Variants in SEPTIN4 observed in about 807,000 individuals in gnomAD.
SEPTIN4 encodes septin 4.
A neutral mutation model predicts 107.1 loss-of-function variants in SEPTIN4; 52 were observed. That is an observed-to-expected ratio of 0.49 (90% confidence interval 0.39 to 0.61). The LOEUF is 0.61. SEPTIN4 is among the 20% of genes least tolerant of loss of function. The probability of loss-of-function intolerance (pLI) is 0.00; values close to 1 mark genes in which losing one functional copy is unlikely to be tolerated. For synonymous variants in SEPTIN4, 417 were observed against 467.0 expected (o/e 0.89, Z 1.38); for missense variants, 1,048 against 1,243.5 (o/e 0.84, Z 2.36).
intron 7 of SEPTIN4, chr17:58,524,787 T>TGAACTCCTGGCCTC (rs528849299): frequency 1.3e-4 from 37 of 277,052 alleles, no homozygotes; most frequent in Non-Finnish European, 1.9e-4. Flanking sequence ...AGGCTGGCCT[T>TGAACTCCTGGCCTC]GAACTCCTGG....
intron 13 of SEPTIN4, 103 bp from the exon 14 acceptor site, chr17:58,520,588 G>A (rs945512447): frequency 2.1e-5 from 32 of 1,526,052 alleles, no homozygotes; most frequent in Non-Finnish European, 2.6e-5. Context: ...CTTGGTAGCC[G>A]TGAGGTGTGA....
intron 3 of SEPTIN4, among the ~76,000 whole-genome samples, chr17:58,535,564 T>C (rs1441276685): frequency 6.6e-6 from 1 of 152,246 alleles, no homozygotes; most frequent in African/African-American, 2.4e-5. Flanking sequence ...AAGTCTTCAC[T>C]ATACTGAGCC....
At chr17:58,542,551 G>T in intron 1 of SEPTIN4, 75 bp downstream of exon 1, 1 of 1,520,684 alleles carries the variant, frequency 6.6e-7, no homozygotes, top group Non-Finnish European at 8.8e-7. Context: ...ATGAAGAGGT[G>T]GTCTTTCCTG....
At position 58,543,772 on chromosome 17, in the gene SEPTIN4, A is replaced by G; in HGVS notation, c.415T>C (p.Ser139Pro). 1.2e-6 allele frequency: 2 copies of G among 1,614,048 alleles called. No individual in the cohort carries two copies. Among genetic ancestry groups the G allele is most frequent in the South Asian group, 2.2e-5 (2 of 91,072 alleles). Residue 139 changes from serine (S) to proline (P), a missense_variant, in exon 1 of 14, where the codon TCA becomes CCA. Ser to Pro is a moderately conservative substitution (Grantham distance 74). This residue lies in a region of SEPTIN4 where 787 missense variants were observed against 871.8 expected (regional missense o/e 0.90). Transcript: ENST00000672673. ...EAARRGSESK[S>P]GREVGHHASS... ...GCATGATGGCCGACCTCGCGCCCTG[A>G]CTTGCTCTCACTGCCTCTTCGTGCT... is the stretch of plus-strand genomic sequence containing the variant.
intron 7 of SEPTIN4, among the ~76,000 whole-genome samples, chr17:58,522,425 C>T (rs986392726): frequency 6.6e-5 from 10 of 151,918 alleles, no homozygotes; most frequent in African/African-American, 1.5e-4. Context: ...TTTGGGAGGC[C>T]GAGGCGGGTG....
At chr17:58,526,445 C>T in intron 4 of SEPTIN4, 132 bp from the exon 5 acceptor site, 2 of 1,388,272 alleles carry the variant, frequency 1.4e-6, no homozygotes, top group South Asian at 3.5e-5. Flanking sequence ...TGTGAGTTCC[C>T]ATCTGAGGCC....
intron 2 of SEPTIN4, chr17:58,541,655 C>T: frequency 1.0e-6 from 1 of 956,544 alleles, no homozygotes; most frequent in Non-Finnish European, 1.5e-6. Flanking sequence ...GCTGAAAAGG[C>T]CATGAGGCTT....
intron 3 of SEPTIN4, among the ~76,000 whole-genome samples, chr17:58,535,460 C>A (rs940320629): frequency 1.3e-5 from 2 of 152,242 alleles, no homozygotes; most frequent in African/African-American, 4.8e-5. Context: ...GGCTCCCCTG[C>A]CTTCCCAGCC....
rs746623678 is a variant in SEPTIN4 at position 58,522,008 on chromosome 17, C to T, written c.2310G>A (p.Arg770=). The T allele has an allele frequency of 6.2e-7, 1 of 1,614,056 alleles. No homozygotes were observed. The change falls in exon 8 of 14, where the codon AGG becomes AGA. Residue 770 remains arginine, a synonymous_variant. Transcript: ENST00000672673. ...GLNRKNIQDN[R]VHCCLYFISP... ...AGATGAAGTACAGGCAGCAGTGCAC[C>T]CTGTTGTCTTGGATGTTCTTTCGGT...
At position 58,543,667 on chromosome 17, in the gene SEPTIN4, C is replaced by T; in HGVS notation, c.520G>A (p.Glu174Lys). 1.9e-6 allele frequency: 3 copies of T among 1,614,176 alleles called. No homozygotes were observed. Among genetic ancestry groups the T allele is most frequent in the Non-Finnish European group, 2.5e-6 (3 of 1,180,018 alleles). Residue 174 changes from glutamate to lysine, a missense_variant, in exon 1 of 14, where the codon GAA (glutamate) becomes AAA (lysine). Physicochemically the swap from Glu to Lys is moderately conservative, Grantham distance 56. Transcript: ENST00000672673. ...TGGACCTTGGATGGTGGGTCATCTT[C>T]TAAGATTTGTGATTGTAAGTTATTC... ...QKNNLQSQIL[E>K]DDPPSKVQNP... is the part of the protein sequence containing the mutation.
chr17:58,531,830 C>T (rs1213726319), intron 3 of SEPTIN4: 3 of 879,600 alleles, frequency 3.4e-6, no homozygotes, highest in East Asian at 7.2e-5. Flanking sequence ...TGCCCGGGGC[C>T]GGCGACGGCG....
Position 58,521,570 on chromosome 17 carries a change from A to C in SEPTIN4, c.2546T>G (p.Phe849Cys), listed in dbSNP as rs1354110723. Residue 849 changes from phenylalanine (F) to cysteine (C), a missense_variant, in exon 10 of 14, where the codon TTC (phenylalanine) becomes TGC (cysteine). Coordinates refer to ENST00000672673, the MANE Select transcript of SEPTIN4 (RefSeq NM_001368771.2). This position sits in a 1 kb window ranked among gnomAD's most constrained non-coding sequence, Gnocchi z 6.4. The part of the protein sequence containing the change: ...PDCDSDEDED[F>C]KLQDQALKES... ...CTTTAGGGCTTGGTCCTGCAATTTG[A>C]AGTCCTCATCCTCATCAGAGTCACA... is the stretch of plus-strand genomic sequence containing the variant. The C allele has an allele frequency of 6.2e-7, 1 of 1,614,190 alleles. No individual in the cohort carries two copies.
At chr17:58,526,189 C>A in intron 5 of SEPTIN4, 31 bp downstream of exon 5, 2 of 1,550,374 alleles carry the variant, frequency 1.3e-6, no homozygotes, top group South Asian at 1.2e-5. Flanking sequence ...TGAAACACAC[C>A]CTGCCCAACC....
intron 3 of SEPTIN4, among the ~76,000 whole-genome samples, chr17:58,533,453 T>C (rs1423423153): frequency 6.6e-6 from 1 of 152,144 alleles, no homozygotes; most frequent in Non-Finnish European, 1.5e-5. Flanking sequence ...AAGGAGGATA[T>C]GCTGTATGCT....
chr17:58,540,317 C>T (rs1005870294), intron 3 of SEPTIN4, among the ~76,000 whole-genome samples: 3 of 152,166 alleles, frequency 2.0e-5, no homozygotes, highest in Non-Finnish European at 4.4e-5. Flanking sequence ...ACTGATCCAA[C>T]GGCTACCTAG....
chr17:58,531,391 C>G, intron 3 of SEPTIN4: 1 of 152,336 alleles, frequency 6.6e-6, no homozygotes. Context: ...GGATGGTGGG[C>G]TGGGCCTCCC....
chr17:58,542,650 G>C lies in SEPTIN4; in HGVS notation c.1537C>G (p.Gln513Glu). Residue 513 changes from glutamine to glutamate, a missense_variant, in exon 1 of 14, where the codon CAA (glutamine) becomes GAA (glutamate). Physicochemically the swap from Gln to Glu is conservative, Grantham distance 29. Transcript: ENST00000672673. The part of the protein sequence containing the change: ...TPKHTCKQPI[Q>E]RFTAFFLDVS... ...CCCAGGAAGAAAGCAGTAAACCTTT[G>C]AATGGGTTGTTTGCAGGTGTGCTTG... 1 of 1,613,306 alleles carries C rather than the reference G, an allele frequency of 6.2e-7. No individual in the cohort carries two copies. The highest frequency in any genetic ancestry group is 8.5e-7 in the Non-Finnish European group (1 of 1,179,694).
chr17:58,529,388 C>T (rs2043263108), intron 3 of SEPTIN4: 8 of 1,429,330 alleles, frequency 5.6e-6, no homozygotes, highest in Middle Eastern at 2.1e-4. Context: ...TCCTCCCCTT[C>T]CCTTGGCTCC....
rs2043952042 is a variant in SEPTIN4 at position 58,543,807 on chromosome 17, C to G, written c.380G>C (p.Arg127Thr). 1 of 1,614,060 alleles carries G rather than the reference C, an allele frequency of 6.2e-7. No individual in the cohort carries two copies. Among genetic ancestry groups the G allele is most frequent in the African/African-American group, 1.3e-5 (1 of 74,908 alleles). The change falls in exon 1 of 14, where the codon AGA becomes ACA. Residue 127 changes from arginine (R) to threonine (T), a missense_variant. Transcript: ENST00000672673. ...SSRQWKVSPP[R>T]EEAARRGSES... ...ACTGCCTCTTCGTGCTGCTTCCTCT[C>G]TGGGTGGACTAACTTTCCATTGTCT...
Sources: gnomAD v4.1 joint callset for allele counts (sites outside exome capture counted in the v4.1 genomes callset) on GRCh38, gnomAD v4.1.1 for gene constraint, gnomAD v4.1.1 regional missense constraint, Gnocchi (gnomAD v3.1) non-coding constraint, MANE v1.5 for transcripts, NCBI Gene and HGNC (gene_info 2026-07-23, HGNC 2026-07-21) for gene names.